MATN2: variants seen among roughly 807,000 people sequenced by gnomAD.
MATN2 encodes the protein matrilin 2, also known as matrilin-2.
A neutral mutation model predicts 103.2 loss-of-function variants in MATN2; 69 were observed. The ratio of observed to expected loss-of-function variants is 0.67; its 90% CI spans 0.55 to 0.82. The LOEUF (loss-of-function observed/expected upper bound fraction) is 0.82, where lower values mean the gene tolerates loss of function less well. Ranked by LOEUF, MATN2 falls within the 40% of genes least tolerant of loss-of-function variation. The pLI is 0.00. For synonymous variants in MATN2, 429 were observed against 450.2 expected (o/e 0.95, Z 0.60); for missense variants, 1,023 against 1,211.5 (o/e 0.84, Z 2.31).
At chr8:97,882,105 G>A (rs1037608530) in intron 1 of MATN2, among the ~76,000 whole-genome samples, 13 of 150,828 alleles carry the variant, frequency 8.6e-5, no homozygotes, top group African/African-American at 3.2e-4. Flanking sequence ...TGTATTTTTA[G>A]TAGAGACGGG....
At chr8:97,928,599 T>C (rs1810072250) in intron 2 of MATN2, among the ~76,000 whole-genome samples, 1 of 152,114 alleles carries the variant, frequency 6.6e-6, no homozygotes. Context: ...GGATTTCAGT[T>C]CCTCTCACCT....
intron 10 of MATN2, among the ~76,000 whole-genome samples, chr8:98,014,619 T>C (rs181508523): frequency 2.0e-5 from 3 of 152,354 alleles, no homozygotes; most frequent in East Asian, 1.9e-4. Context: ...CAATGTAGTA[T>C]AGTCAGAAAA....
At chr8:97,988,189 T>TACACACACACAC (rs58039452) in intron 6 of MATN2, among the ~76,000 whole-genome samples, 1 of 54,970 alleles carries the variant, frequency 1.8e-5, no homozygotes, top group African/African-American at 7.8e-5. Context: ...TATATATATA[T>TACACACACACAC]ACACACACAC....
intron 4 of MATN2, among the ~76,000 whole-genome samples, chr8:97,945,812 T>C (rs1452877226): frequency 2.0e-5 from 3 of 151,822 alleles, no homozygotes; most frequent in Non-Finnish European, 2.9e-5. Context: ...ATTCTTTGAA[T>C]GGTGATGGAC....
At position 97,931,237 on chromosome 8, in the gene MATN2, G is replaced by A. The variant is rs1441679344; in HGVS notation, c.427G>A (p.Ala143Thr). The A allele has an allele frequency of 4.3e-6, 7 of 1,613,824 alleles. No homozygotes were observed. The highest frequency in any genetic ancestry group is 4.0e-5 in the African/African-American group (3 of 74,922). The change falls in exon 3 of 19, where the codon GCC (alanine) becomes ACC (threonine). Residue 143 changes from alanine (A) to threonine (T), a missense_variant. Physicochemically the swap from Ala to Thr is moderately conservative, Grantham distance 58. Transcript: ENST00000254898. The surrounding 1 kb of genome is among the most constrained non-coding windows in gnomAD (Gnocchi z 4.1). ...GTMTGLAIQY[A>T]LNIAFSEAEG... The stretch of plus-strand genomic sequence containing the variant: ...CATGACTGGGCTGGCCATCCAGTAT[G>A]CCCTGAACATCGCATTCTCAGAAGC...
intron 18 of MATN2, 71 bp from the exon 19 acceptor site, chr8:98,035,586 G>A: frequency 3.2e-6 from 3 of 950,026 alleles, no homozygotes; most frequent in South Asian, 1.8e-5. Flanking sequence ...AATTTTACGT[G>A]GATAAATCAA....
intron 2 of MATN2, among the ~76,000 whole-genome samples, chr8:97,911,397 A>G (rs1269285679): frequency 6.6e-6 from 1 of 152,136 alleles, no homozygotes; most frequent in East Asian, 1.9e-4. Context: ...AGAAAATTCC[A>G]TAGCCAAAAT....
In MATN2 at chr8:97,931,021, C is replaced by A; in HGVS notation, c.211C>A (p.His71Asn). ...IIDSSRSVNTHDYAKVKEFIV... is the reference protein window; with the variant it reads ...IIDSSRSVNTNDYAKVKEFIV... Reference sequence around the variant, plus strand: ...TGACAGCTCTCGCAGTGTCAACACCCATGACTATGCAAAGGTCAAGGAGTT... The same window carrying A: ...TGACAGCTCTCGCAGTGTCAACACCAATGACTATGCAAAGGTCAAGGAGTT... Residue 71 changes from histidine (H) to asparagine (N), a missense_variant, in exon 3 of 19, where the codon CAT becomes AAT. By Grantham distance (68) the His-to-Asn change is moderately conservative (BLOSUM62 1). Transcript: ENST00000254898. The surrounding 1 kb of genome is among the most constrained non-coding windows in gnomAD (Gnocchi z 4.1). 1 of 1,613,968 alleles carries A rather than the reference C, an allele frequency of 6.2e-7. No individual in the cohort carries two copies. Among genetic ancestry groups the A allele is most frequent in the Non-Finnish European group, 8.5e-7 (1 of 1,179,852 alleles).
At chr8:97,967,864 T>G (rs539771550) in intron 5 of MATN2, among the ~76,000 whole-genome samples, 7 of 152,354 alleles carry the variant, frequency 4.6e-5, no homozygotes, top group African/African-American at 1.4e-4. Flanking sequence ...GTATGAGAGT[T>G]CCAACCCTAC....
chr8:97,999,202 C>T lies in MATN2; in HGVS notation c.1205-4459C>T, dbSNP rs192204798. ...TTCCTTTTTAAGGCTGAATAATATT[C>T]CATTGTATCTATACATCATCCTTTG... On this transcript the variant is annotated intron_variant, in intron 7 of 18. Coordinates refer to ENST00000254898, the MANE Select transcript of MATN2 (RefSeq NM_002380.5). Among the ~76,000 whole-genome samples, 3 of 152,282 alleles carry T rather than the reference C, an allele frequency of 2.0e-5. No homozygotes were observed. The East Asian group carries it at 5.8e-4, about 29-fold the overall frequency.
At chr8:97,889,459 C>CTATATATA (rs56115197) in intron 2 of MATN2, among the ~76,000 whole-genome samples, 4,071 of 122,940 alleles carry the variant, frequency 0.033, 236 homozygotes, top group African/African-American at 0.11. Flanking sequence ...CTCTCTCTGT[C>CTATATATA]TATATATATA....
intron 7 of MATN2, among the ~76,000 whole-genome samples, chr8:98,000,608 A>AAAAAAAAAAAAAAAAAT (rs1306042603): frequency 6.6e-6 from 1 of 151,600 alleles, no homozygotes; most frequent in East Asian, 1.9e-4. Context: ...AAAAAAAAAA[A>AAAAAAAAAAAAAAAAAT]AAGAAATATG....
intron 2 of MATN2, among the ~76,000 whole-genome samples, chr8:97,890,464 CAAAA>C (rs553728394): frequency 2.4e-5 from 2 of 84,246 alleles, no homozygotes; most frequent in Non-Finnish European, 2.7e-5. Context: ...GACTCTGTCT[CAAAA>C]AAAAAAAAAA....
At chr8:97,947,824 T>C (rs1810805195) in intron 4 of MATN2, among the ~76,000 whole-genome samples, 1 of 152,234 alleles carries the variant, frequency 6.6e-6, no homozygotes, top group Non-Finnish European at 1.5e-5. Flanking sequence ...GTTCTCATTA[T>C]TCCCAGTAGT....
intron 8 of MATN2, among the ~76,000 whole-genome samples, chr8:98,006,405 A>G (rs1192336900): frequency 6.6e-6 from 1 of 152,190 alleles, no homozygotes; most frequent in African/African-American, 2.4e-5. Context: ...GCTTTACATA[A>G]TCAACCCCTC....
rs1563722835 is a variant in MATN2, at chr8:98,007,599, CAAGT to C, written c.1573+3_1573+6del. Reference sequence around the variant, plus strand: ...CTCCGCAGCGATGGGAAGACGTGTGCAAGTAAGTGTCTGAAGGACAAGCAGGACC... The same window carrying C: ...CTCCGCAGCGATGGGAAGACGTGTGCAAGTGTCTGAAGGACAAGCAGGACC... On this transcript the variant is annotated splice_donor_variant and coding_sequence_variant, in exon 10 of 19. Transcript: ENST00000254898. LOFTEE classifies it high-confidence loss of function. This position sits in a 1 kb window ranked among gnomAD's most constrained non-coding sequence, Gnocchi z 4.2. 1.9e-6 allele frequency: 3 copies of C among 1,609,492 alleles called. No individual in the cohort carries two copies. The highest frequency in any genetic ancestry group is 1.7e-6 in the Non-Finnish European group (2 of 1,176,266).
chr8:97,870,571 G>A (rs1295903989), intron 1 of MATN2, among the ~76,000 whole-genome samples: 1 of 152,122 alleles, frequency 6.6e-6, no homozygotes, highest in Non-Finnish European at 1.5e-5. Context: ...ATTTCCAGGA[G>A]CATTCTAAGA....
chr8:97,902,163 A>G (rs28452803), intron 2 of MATN2, among the ~76,000 whole-genome samples: 5,427 of 150,418 alleles, frequency 0.036, 310 homozygotes, highest in African/African-American at 0.12. Flanking sequence ...GTGCCTGGCC[A>G]GGGGACATGT....
At chr8:97,994,105 GGAAA>G (rs1378416563) in intron 6 of MATN2, among the ~76,000 whole-genome samples, 1 of 138,102 alleles carries the variant, frequency 7.2e-6, no homozygotes, top group Non-Finnish European at 1.5e-5. Context: ...AAGGAAGAAA[GGAAA>G]GGAAGGAAGG....
Sources: allele counts gnomAD v4.1 joint callset (sites outside exome capture counted in the v4.1 genomes callset), GRCh38; gene constraint gnomAD v4.1.1; non-coding constraint Gnocchi (gnomAD v3.1); transcripts MANE v1.5; gene names NCBI Gene and HGNC (gene_info 2026-07-23, HGNC 2026-07-21).